Variants in SETD5 observed in about 807,000 individuals in gnomAD.
SETD5 encodes the protein histone-lysine N-methyltransferase SETD5.
A neutral mutation model predicts 153.3 loss-of-function variants in SETD5; 44 were observed. The ratio of observed to expected loss-of-function variants is 0.29; its 90% CI spans 0.23 to 0.37. The LOEUF (loss-of-function observed/expected upper bound fraction) is 0.37, where lower values mean the gene tolerates loss of function less well. Among genes scored for constraint, SETD5 ranks in the 10% least tolerant of loss-of-function variants. The pLI, the probability that SETD5 is intolerant of heterozygous loss-of-function variation, is 1.00. For synonymous variants in SETD5, 716 were observed against 645.2 expected (o/e 1.11, Z -1.66); for missense variants, 1,544 against 1,768.0 (o/e 0.87, Z 2.27).
intron 17 of SETD5, among the ~76,000 whole-genome samples, chr3:9,456,856 G>A (rs1164748619): frequency 2.0e-5 from 3 of 151,732 alleles, no homozygotes; most frequent in African/African-American, 7.3e-5. Flanking sequence ...TGCACCTGTA[G>A]TCCCAGCTAC....
At chr3:9,409,680 G>A (rs1475786296) in intron 1 of SETD5, among the ~76,000 whole-genome samples, 1 of 152,134 alleles carries the variant, frequency 6.6e-6, no homozygotes, top group Non-Finnish European at 1.5e-5. Context: ...AGTATGGATG[G>A]TAGGAGTGTT....
intron 11 of SETD5, among the ~76,000 whole-genome samples, chr3:9,444,610 G>A (rs540646498): frequency 1.8e-4 from 28 of 152,148 alleles, no homozygotes; most frequent in African/African-American, 5.1e-4. Context: ...AAAGTGTTAC[G>A]TCAGGCGCGG....
At position 9,433,852 on chromosome 3, in the gene SETD5, T is replaced by C; in HGVS notation, c.79T>C (p.Ser27Pro). ...CTTTTCGCCTTTGTGCAGCCCTGAATCTGTGGAGGCTAGTCCAGCAGTTAA... is the reference window on the plus strand; with the variant it reads ...CTTTTCGCCTTTGTGCAGCCCTGAACCTGTGGAGGCTAGTCCAGCAGTTAA... ...SDMAAGSDPE[S>P]VEASPAVNEK... The change falls in exon 4 of 23, where the codon TCT becomes CCT. Residue 27 changes from serine (S) to proline (P), a missense_variant. Physicochemically the swap from Ser to Pro is moderately conservative, Grantham distance 74 (BLOSUM62 -1). This residue lies in a region of SETD5 where 251 missense variants were observed against 326.9 expected (regional missense o/e 0.77). Coordinates refer to ENST00000402198, the MANE Select transcript of SETD5 (RefSeq NM_001080517.3). The C allele has an allele frequency of 6.2e-7, 1 of 1,613,840 alleles. No individual in the cohort carries two copies. Among genetic ancestry groups the C allele is most frequent in the Non-Finnish European group, 8.5e-7 (1 of 1,179,802 alleles).
chr3:9,448,912 G>A (rs1260323694), intron 16 of SETD5, among the ~76,000 whole-genome samples: 1 of 152,190 alleles, frequency 6.6e-6, no homozygotes, highest in Non-Finnish European at 1.5e-5. Context: ...AGAGCACACA[G>A]CAGTGGATGA....
At chr3:9,424,942 C>G (rs950978129) in intron 2 of SETD5, among the ~76,000 whole-genome samples, 6 of 151,738 alleles carry the variant, frequency 4.0e-5, no homozygotes, top group Non-Finnish European at 8.8e-5. Context: ...GATGGTCAAG[C>G]TAACCTATTA....
At chr3:9,443,238 TG>T (rs1446122003) in intron 10 of SETD5, 69 bp from the exon 11 acceptor site, 3 of 1,077,170 alleles carry the variant, frequency 2.8e-6, no homozygotes, top group Non-Finnish European at 4.1e-6. Flanking sequence ...AGAGAAAGTA[TG>T]GTTTTTTTCT....
At chr3:9,426,249 T>TTTTTTTTTTTTTG (rs1174162030) in intron 2 of SETD5, 1 of 135,910 alleles carries the variant, frequency 7.4e-6, no homozygotes, top group Non-Finnish European at 1.5e-5. Context: ...TTTTTTTTTT[T>TTTTTTTTTTTTTG]TTTGGCAACA....
At chr3:9,440,742 T>C in intron 8 of SETD5, 44 bp downstream of exon 8, 17 of 1,584,396 alleles carry the variant, frequency 1.1e-5, no homozygotes, top group Non-Finnish European at 1.5e-5. Context: ...GCTGAAATTT[T>C]AAGAACCCAG....
At chr3:9,461,662 CAGT>C (rs2043966471) in intron 17 of SETD5, among the ~76,000 whole-genome samples, 1 of 152,180 alleles carries the variant, frequency 6.6e-6, no homozygotes. Context: ...TTGTTGAATA[CAGT>C]ATCATAATAA....
intron 8 of SETD5, 115 bp from the exon 9 acceptor site, chr3:9,441,478 C>A: frequency 1.0e-6 from 1 of 964,270 alleles, no homozygotes; most frequent in Non-Finnish European, 1.6e-6. Flanking sequence ...ATCTAAATAA[C>A]ATGTACAGAT....
Position 9,427,507 on chromosome 3 carries a change from G to A in SETD5, c.-116-1316G>A, listed in dbSNP as rs539504629. Among the ~76,000 whole-genome samples the A allele has an allele frequency of 1.3e-4, 20 of 152,278 alleles. 1 individual carries two copies. Among genetic ancestry groups the A allele is most frequent in the Non-Finnish European group, 1.8e-4 (12 of 68,020 alleles). On this transcript the variant is annotated intron_variant, in intron 2 of 22. Transcript: ENST00000402198. ...GGAGGTTGTAGTGAGCCAAGATTGC[G>A]CCATTACACTTCAGTCTGGGCAACA... is the stretch of plus-strand genomic sequence containing the variant.
intron 18 of SETD5, chr3:9,468,718 A>C: frequency 1.8e-6 from 1 of 554,926 alleles, no homozygotes; most frequent in Non-Finnish European, 3.1e-6. Flanking sequence ...AGTAAGTTGA[A>C]TGAGTCTTCC....
chr3:9,474,643 G>A, intron 21 of SETD5, 61 bp downstream of exon 21: 5 of 1,586,004 alleles, frequency 3.2e-6, no homozygotes, highest in East Asian at 4.5e-5. Flanking sequence ...GTCCTGTACA[G>A]TTCATGCCTA....
chr3:9,409,719 A>G (rs972993501), intron 1 of SETD5, among the ~76,000 whole-genome samples: 3 of 152,236 alleles, frequency 2.0e-5, no homozygotes, highest in African/African-American at 4.8e-5. Context: ...CCTTGTTTCT[A>G]GATTTTTCAA....
rs138685269 is a variant in SETD5 at position 9,470,661 on chromosome 3, C to G, written c.2927C>G (p.Ala976Gly). The G allele has an allele frequency of 1.5e-3, 2,407 of 1,614,012 alleles. 2 individuals are homozygous for G. The highest frequency in any genetic ancestry group is 1.9e-3 in the Non-Finnish European group (2,280 of 1,179,892). The change falls in exon 19 of 23, where the codon GCA becomes GGA. Residue 976 changes from alanine (A) to glycine (G), a missense_variant. Ala to Gly is a moderately conservative substitution (Grantham distance 60). This residue lies in a region of SETD5 where 782 missense variants were observed against 787.2 expected (regional missense o/e 0.99). Transcript: ENST00000402198. The stretch of plus-strand genomic sequence containing the variant: ...ACCCTCGTGAGAAACTCAGACCAGG[C>G]ATTTCGGACAGAGTTCAACTTGATG... ...HQTLVRNSDQ[A>G]FRTEFNLMYA...
At chr3:9,431,117 A>G in intron 3 of SETD5, 3 of 985,454 alleles carry the variant, frequency 3.0e-6, no homozygotes, top group Non-Finnish European at 3.6e-6. Flanking sequence ...ACTTCACTTC[A>G]TAGAATTTTA....
intron 7 of SETD5, chr3:9,436,729 C>T: frequency 2.6e-6 from 2 of 783,840 alleles, no homozygotes; most frequent in Middle Eastern, 2.4e-4. Flanking sequence ...TATTTTTTAC[C>T]TAGAGAAAGG....
In SETD5 at chr3:9,434,897, G is replaced by A; in HGVS notation, c.388+15G>A. On this transcript the variant is annotated intron_variant, in intron 6 of 22. Transcript: ENST00000402198. The surrounding 1 kb of genome is among the most constrained non-coding windows in gnomAD (Gnocchi z 5.6). ...CAACATATCAGGTGAGCGGAAGATG[G>A]GTTAGGTCCACAATTTGACATAAAA... The A allele has an allele frequency of 6.2e-7, 1 of 1,611,066 alleles. No homozygotes were observed. The highest frequency in any genetic ancestry group is 8.5e-7 in the Non-Finnish European group (1 of 1,178,740).
In SETD5 at chr3:9,447,199, A is replaced by G. The variant is rs771640373; in HGVS notation, c.1674A>G (p.Thr558=). 2 of 1,614,050 alleles carry G rather than the reference A, an allele frequency of 1.2e-6. No individual in the cohort carries two copies. The highest frequency in any genetic ancestry group is 1.7e-6 in the Non-Finnish European group (2 of 1,179,904). ...CAGAGACTCCTGTTGGTGAAGAGAC[A>G]AAAACTGAAGCCCCTGAATCTGAAG... The part of the protein sequence containing the change: ...TTSETPVGEE[T]KTEAPESEVS... The change falls in exon 14 of 23, where the codon ACA becomes ACG. Residue 558 remains threonine, a synonymous_variant. Transcript: ENST00000402198.
Sources: allele counts gnomAD v4.1 joint callset (sites outside exome capture counted in the v4.1 genomes callset), GRCh38; gene constraint gnomAD v4.1.1; regional missense constraint gnomAD v4.1.1; non-coding constraint Gnocchi (gnomAD v3.1); transcripts MANE v1.5; gene names NCBI Gene and HGNC (gene_info 2026-07-23, HGNC 2026-07-21).